The following RGSL1 variants were observed in gnomAD, a reference collection of about 807,000 sequenced individuals.
RGSL1 encodes the protein regulator of G protein signaling protein-like.
Under a neutral mutation model 124.7 loss-of-function variants are expected in RGSL1, and 97 were observed. That is an observed-to-expected ratio of 0.78 (90% CI 0.66 to 0.92). The LOEUF (loss-of-function observed/expected upper bound fraction) is 0.92. Ranked by LOEUF, RGSL1 falls within the 40% of genes least tolerant of loss-of-function variation. The probability of loss-of-function intolerance (pLI) is 0.00; values close to 1 mark genes in which losing one functional copy is unlikely to be tolerated. For missense variants in RGSL1, 1,233 were observed against 1,288.4 expected, an observed-to-expected ratio of 0.96 and a Z score of 0.66; for synonymous variants, 424 against 438.1, an observed-to-expected ratio of 0.97 and a Z score of 0.40.
chr1:182,549,040 C>A, intron 17 of RGSL1: 2 of 490,100 alleles, frequency 4.1e-6, no homozygotes, highest in East Asian at 4.1e-5. Flanking sequence ...GACTGAGAGC[C>A]AAACGCCTGG....
chr1:182,544,784 T>C (rs562465046), intron 15 of RGSL1, among the ~76,000 whole-genome samples: 1 of 152,118 alleles, frequency 6.6e-6, no homozygotes, highest in African/African-American at 2.4e-5. Context: ...TTGTAGCCTA[T>C]TTTATCTGAT....
chr1:182,538,956 A>C (rs1659719246), intron 14 of RGSL1, among the ~76,000 whole-genome samples: 1 of 152,214 alleles, frequency 6.6e-6, no homozygotes, highest in African/African-American at 2.4e-5. Context: ...TTTGGTGACT[A>C]ATTGGATGTG....
chr1:182,465,368 A>G (rs1163610861), intron 4 of RGSL1, among the ~76,000 whole-genome samples: 2 of 151,530 alleles, frequency 1.3e-5, no homozygotes, highest in African/African-American at 4.9e-5. Context: ...CAAGGACAAA[A>G]AACCAAACAC....
chr1:182,527,729 A>G lies in RGSL1; in HGVS notation c.2082A>G (p.Ile694Met), dbSNP rs1658858378. 1 of 1,551,120 alleles carries G rather than the reference A, an allele frequency of 6.4e-7. No homozygotes were observed. Among genetic ancestry groups the G allele is most frequent in the East Asian group, 2.4e-5 (1 of 40,896 alleles). Residue 694 changes from isoleucine to methionine, a missense_variant, in exon 11 of 22, where the codon ATA becomes ATG. Physicochemically the swap from Ile to Met is conservative, Grantham distance 10. Coordinates refer to ENST00000294854, the MANE Select transcript of RGSL1 (RefSeq NM_001137669.2). ...ETNEKICKSL[I>M]ENVIKTFFQG... ...ATGAAAAGATTTGCAAGTCTCTCAT[A>G]GAAAATGTAATCAAGACTTTCTTCC... is the stretch of plus-strand genomic sequence containing the variant.
At chr1:182,454,095 C>T in intron 2 of RGSL1, 55 bp downstream of exon 2, 1 of 1,024,064 alleles carries the variant, frequency 9.8e-7, no homozygotes, top group Non-Finnish European at 1.5e-6. Context: ...AATAGTGAAT[C>T]TCACAGAGCT....
chr1:182,488,892 G>C, intron 7 of RGSL1, 88 bp from the exon 8 acceptor site: 1 of 996,176 alleles, frequency 1.0e-6, no homozygotes, highest in Non-Finnish European at 1.5e-6. Context: ...GTAACAGGGA[G>C]GCATGGAGCA....
chr1:182,554,929 C>A, intron 20 of RGSL1: 2 of 529,368 alleles, frequency 3.8e-6, no homozygotes, highest in South Asian at 5.1e-5. Flanking sequence ...AGTCTCTGAC[C>A]CACTTTTCAG....
Position 182,474,472 on chromosome 1 carries a change from G to T in RGSL1, c.1361G>T (p.Gly454Val). The change falls in exon 6 of 22, where the codon GGC (glycine) becomes GTC (valine). Residue 454 changes from glycine (G) to valine (V), a missense_variant. By Grantham distance (109) the Gly-to-Val change is moderately radical (BLOSUM62 -3). Transcript: ENST00000294854. ...CCACTCAAATCCCAAACCATTCAGGGCCTGAAGGAACTATTGCCCTCTGGG... is the reference window on the plus strand; with the variant it reads ...CCACTCAAATCCCAAACCATTCAGGTCCTGAAGGAACTATTGCCCTCTGGG... ...CLPLKSQTIQGLKELLPSGDV... is the reference protein window; with the variant it reads ...CLPLKSQTIQVLKELLPSGDV... 6.4e-7 allele frequency: 1 copy of T among 1,551,838 alleles called. No homozygotes were observed. The highest frequency in any genetic ancestry group is 8.7e-7 in the Non-Finnish European group (1 of 1,146,950).
At chr1:182,560,256 T>C (rs978510357) in intron 21 of RGSL1, 23 bp from the exon 22 acceptor site, 4 of 152,184 alleles carry the variant, frequency 2.6e-5, no homozygotes, top group Non-Finnish European at 4.4e-5. Flanking sequence ...ATCTTGATGC[T>C]TTAAGAACTC....
chr1:182,540,759 G>A (rs1198506996), intron 15 of RGSL1, among the ~76,000 whole-genome samples: 3 of 152,084 alleles, frequency 2.0e-5, no homozygotes, highest in African/African-American at 7.2e-5. Context: ...TCAAAGCCAG[G>A]AATTATAATA....
chr1:182,557,531 T>C (rs1361007658), intron 21 of RGSL1, among the ~76,000 whole-genome samples: 3 of 152,164 alleles, frequency 2.0e-5, no homozygotes, highest in African/African-American at 7.2e-5. Context: ...TACACTCACA[T>C]TGGAGTGGGA....
intron 4 of RGSL1, among the ~76,000 whole-genome samples, chr1:182,462,267 G>C (rs1452329375): frequency 1.3e-5 from 2 of 152,112 alleles, no homozygotes; most frequent in Non-Finnish European, 2.9e-5. Context: ...CAACAAAACT[G>C]TCCTTCTAAA....
At chr1:182,487,136 C>G (rs968640403) in intron 6 of RGSL1, among the ~76,000 whole-genome samples, 3 of 152,072 alleles carry the variant, frequency 2.0e-5, no homozygotes, top group Non-Finnish European at 2.9e-5. Flanking sequence ...ACTGAATTGT[C>G]TCAGGAATAC....
At chr1:182,515,552 A>G (rs868341899) in intron 9 of RGSL1, among the ~76,000 whole-genome samples, 1,256 of 53,366 alleles carry the variant, frequency 0.024, 26 homozygotes, top group African/African-American at 0.074. Context: ...AAAAAAAAAA[A>G]AGGGGGGGGC....
rs767218836 is a variant in RGSL1, at chr1:182,472,400, AGAATTG to A, written c.308_313del (p.Glu103_Leu104del). 1.7e-5 allele frequency: 27 copies of A among 1,549,010 alleles called. No individual in the cohort carries two copies. The highest frequency in any genetic ancestry group is 2.4e-5 in the Non-Finnish European group (27 of 1,145,142). ...CCTCTTCTGTCTCACCCGTAGGTGA[AGAATTG>A]GTGGATTTCTGGATCCTTGCTGAGA... On this transcript the variant is annotated inframe_deletion, in exon 5 of 22. Transcript: ENST00000294854.
chr1:182,537,639 G>A (rs887368788), intron 14 of RGSL1, among the ~76,000 whole-genome samples: 4 of 152,088 alleles, frequency 2.6e-5, no homozygotes, highest in Non-Finnish European at 4.4e-5. Flanking sequence ...TGAATCCAGA[G>A]CCATGTTATT....
At position 182,533,902 on chromosome 1, in the gene RGSL1, G is replaced by A. The variant is rs542053789; in HGVS notation, c.2494+1111G>A. On this transcript the variant is annotated intron_variant, in intron 14 of 21. Transcript: ENST00000294854. The stretch of plus-strand genomic sequence containing the variant: ...CAGAAATGACCAAGTTAGGTAGGTG[G>A]GATGGGAGGAGAGTGATTTCTAGGT... 8.5e-5 allele frequency among the ~76,000 whole-genome samples: 13 copies of A among 152,276 alleles called. No individual in the cohort carries two copies. The South Asian group carries it at 2.7e-3, about 32-fold the overall frequency.
intron 6 of RGSL1, among the ~76,000 whole-genome samples, chr1:182,484,572 G>T (rs1434937894): frequency 6.6e-6 from 1 of 152,180 alleles, no homozygotes; most frequent in African/African-American, 2.4e-5. Context: ...CAGTTCACAG[G>T]TTCGGGGCTC....
intron 5 of RGSL1, 168 bp downstream of exon 5, chr1:182,472,725 C>A: frequency 1.6e-6 from 1 of 623,170 alleles, no homozygotes. Flanking sequence ...TATTGAAAGA[C>A]ACAGTTGTCC....
Sources: gnomAD v4.1 joint callset for allele counts (sites outside exome capture counted in the v4.1 genomes callset) on GRCh38, gnomAD v4.1.1 for gene constraint, MANE v1.5 for transcripts, NCBI Gene and HGNC (gene_info 2026-07-23, HGNC 2026-07-21) for gene names.